The following AP1G2 variants were observed in gnomAD, a reference collection of about 807,000 sequenced individuals.
AP1G2 encodes AP-1 complex subunit gamma-like 2.
A neutral mutation model predicts 95.8 loss-of-function variants in AP1G2; 85 were observed. The observed-to-expected ratio is 0.89, with a 90% confidence interval of 0.74 to 1.06. The LOEUF (loss-of-function observed/expected upper bound fraction) is 1.06. Among genes scored for constraint, AP1G2 ranks in the 50% least tolerant of loss-of-function variants. AP1G2 has a pLI of 0.00. For missense variants in AP1G2, 967 were observed against 1,005.8 expected, an observed-to-expected ratio of 0.96 and a Z score of 0.52; for synonymous variants, 378 against 400.0, an observed-to-expected ratio of 0.94 and a Z score of 0.66.
intron 19 of AP1G2, 174 bp from the exon 20 acceptor site, chr14:23,560,592 A>G (rs1883832624): frequency 1.6e-6 from 1 of 621,580 alleles, no homozygotes; most frequent in Non-Finnish European, 2.5e-6. Context: ...GAGAGAAACA[A>G]TAAAAAAAGG....
In AP1G2 at chr14:23,559,681, G is replaced by T; in HGVS notation, c.*68C>A. On this transcript the variant is annotated 3_prime_UTR_variant, in exon 22 of 22. Coordinates refer to ENST00000397120, the MANE Select transcript of AP1G2 (RefSeq NM_003917.5). ...CACCTGCTGGTAGCCCTCAGGTGTA[G>T]GTTCGAAGCTGCTGGGGCCCCCTGG... The T allele has an allele frequency of 3.5e-6, 5 of 1,448,238 alleles. No homozygotes were observed. Among genetic ancestry groups the T allele is most frequent in the Non-Finnish European group, 4.8e-6 (5 of 1,039,940 alleles). 89.7% of individuals were successfully genotyped at this position (1,448,238 alleles called of 1,614,324 possible). A position where few individuals can be genotyped will look rare whatever the true frequency, so the allele number is the denominator to read the frequency against.
chr14:23,562,571 G>A lies in AP1G2; in HGVS notation c.1433C>T (p.Ala478Val). 1 of 1,614,060 alleles carries A rather than the reference G, an allele frequency of 6.2e-7. No homozygotes were observed. Among genetic ancestry groups the A allele is most frequent in the Admixed American group, 1.7e-5 (1 of 60,018 alleles). Residue 478 changes from alanine to valine, a missense_variant, in exon 15 of 22, where the codon GCC (alanine) becomes GTC (valine). Ala to Val is a moderately conservative substitution (Grantham distance 64). Coordinates refer to ENST00000397120, the MANE Select transcript of AP1G2 (RefSeq NM_003917.5). ...ISQQPLVQVA[A>V]WCIGEYGDLL... ...GTCCCCATACTCCCCAATGCACCAG[G>A]CTGCCACCTGCACCAGTGGTTGCTA...
chr14:23,564,010 C>G (rs747796984), intron 11 of AP1G2, 36 bp downstream of exon 11: 5 of 1,612,374 alleles, frequency 3.1e-6, no homozygotes, highest in Non-Finnish European at 4.2e-6. Flanking sequence ...CTGGGAACCT[C>G]TGCCCTGCCC....
rs759104775 is a variant in AP1G2 at position 23,564,635 on chromosome 14, C to T, written c.848G>A (p.Arg283Gln). Residue 283 changes from arginine to glutamine, a missense_variant, in exon 9 of 22, where the codon CGA becomes CAA. Coordinates refer to ENST00000397120, the MANE Select transcript of AP1G2 (RefSeq NM_003917.5). ...AQVATNTDTS[R>Q]NAGNAVLFET... ...AAACAGGACCGCATTTCCGGCATTT[C>T]GGCTGGTGTCCGTGTTAGTGGCCAC... 19 of 1,613,770 alleles carry T rather than the reference C, an allele frequency of 1.2e-5. No individual in the cohort carries two copies. Among genetic ancestry groups the T allele is most frequent in the East Asian group, 4.5e-5 (2 of 44,880 alleles).
rs1453277395 is a variant in AP1G2, at chr14:23,567,580, C to T, written c.-6+159G>A. ...CGGGAGCCCCACCTATTTCTCTCTACCGTTTCCTCCCCCTACCTGGTACCC... is the reference window on the plus strand; with the variant it reads ...CGGGAGCCCCACCTATTTCTCTCTATCGTTTCCTCCCCCTACCTGGTACCC... On this transcript the variant is annotated intron_variant, in intron 1 of 21. Transcript: ENST00000397120. The surrounding 1 kb of genome is among the most constrained non-coding windows in gnomAD (Gnocchi z 5.3). The T allele has an allele frequency of 7.8e-7, 1 of 1,274,810 alleles. No individual in the cohort carries two copies. Among genetic ancestry groups the T allele is most frequent in the African/African-American group, 1.6e-5 (1 of 64,298 alleles). The allele number at this position is 1,274,810 out of a possible 1,614,324, so 79.0% of individuals were successfully genotyped here.
chr14:23,565,731 G>A (rs1026242876), intron 6 of AP1G2, 30 bp from the exon 7 acceptor site: 35 of 1,609,928 alleles, frequency 2.2e-5, no homozygotes, highest in African/African-American at 6.7e-5. Flanking sequence ...TTGGGCATTC[G>A]TTCTAATCCT....
At chr14:23,565,383 G>A (rs888781773) in intron 7 of AP1G2, 184 bp from the exon 8 acceptor site, 6 of 727,418 alleles carry the variant, frequency 8.2e-6, no homozygotes, top group Non-Finnish European at 1.3e-5. Context: ...GGGGAGTTTA[G>A]GACAGGCTTA....
At chr14:23,561,166 T>G (rs554385867) in intron 19 of AP1G2, 130 bp downstream of exon 19, 1 of 1,423,490 alleles carries the variant, frequency 7.0e-7, no homozygotes, top group East Asian at 2.4e-5. Context: ...TTTTACCTCC[T>G]GAGATGGCGA....
chr14:23,566,206 C>CCTGCATCT, intron 4 of AP1G2, 46 bp from the exon 5 acceptor site: 1 of 1,598,380 alleles, frequency 6.3e-7, no homozygotes, highest in South Asian at 1.1e-5. Context: ...GAGATGGACC[C>CCTGCATCT]CTGCATCTAC....
At chr14:23,560,573 C>G in intron 19 of AP1G2, 155 bp from the exon 20 acceptor site, 2 of 717,920 alleles carry the variant, frequency 2.8e-6, no homozygotes, top group Non-Finnish European at 4.2e-6. Flanking sequence ...AGCTTACTGT[C>G]TAATGGGGGA....
Position 23,567,008 on chromosome 14 carries a change from A to G in AP1G2, c.204+103T>C. The G allele has an allele frequency of 1.6e-6, 2 of 1,271,222 alleles. No homozygotes were observed. Among genetic ancestry groups the G allele is most frequent in the Admixed American group, 2.7e-5 (1 of 36,838 alleles). 78.7% of individuals were successfully genotyped at this position (1,271,222 alleles called of 1,614,324 possible). On this transcript the variant is annotated intron_variant, in intron 2 of 21. Transcript: ENST00000397120. The surrounding 1 kb of genome is among the most constrained non-coding windows in gnomAD (Gnocchi z 5.3). ...CAGTGCAGGCTGTGAAGACTCTGAA[A>G]TTGTAGAATTTAAAAAACCAGGGCA...
At position 23,561,451 on chromosome 14, in the gene AP1G2, G is replaced by T. The variant is rs1260206886; in HGVS notation, c.1858-20C>A. 6.2e-7 allele frequency: 1 copy of T among 1,613,708 alleles called. No individual in the cohort carries two copies. Among genetic ancestry groups the T allele is most frequent in the African/African-American group, 1.3e-5 (1 of 75,008 alleles). ...TGAGGCCTGGCAGAAGGGACAGAAG[G>T]GGCAGGGCTGGGTATGAAGCTCAGC... On this transcript the variant is annotated intron_variant, in intron 18 of 21. Coordinates refer to ENST00000397120, the MANE Select transcript of AP1G2 (RefSeq NM_003917.5).
chr14:23,563,146 G>A (rs761902485), intron 14 of AP1G2: 15 of 1,416,600 alleles, frequency 1.1e-5, no homozygotes, highest in Non-Finnish European at 1.2e-5. Context: ...GGCAGTCAGG[G>A]TACATGGAGC....
rs1054817557 is a variant in AP1G2, at chr14:23,559,796, G to C, written c.2311C>G (p.Gln771Glu). The change falls in exon 22 of 22, where the codon CAG (glutamine) becomes GAG (glutamate). Residue 771 changes from glutamine (Q) to glutamate (E), a missense_variant. By Grantham distance (29) the Gln-to-Glu change is conservative. Transcript: ENST00000397120. ...AAGTTGTTCACCTCAAAGATCTCCT[G>C]CACCGACTGGTGAAAGTGGTCGTAG... ...LTYDHFHQSV[Q>E]EIFEVNNLPV... 3 of 1,614,038 alleles carry C rather than the reference G, an allele frequency of 1.9e-6. No individual in the cohort carries two copies. In the African/African-American group the frequency reaches 4.0e-5, roughly 22 times the overall value.
rs1159994453 is a variant in AP1G2 at position 23,560,313 on chromosome 14, G to A, written c.2099C>T (p.Ala700Val). ...NPALLLITITATNFSEGDVTH... is the reference protein window; with the variant it reads ...NPALLLITITVTNFSEGDVTH... ...GACATCACCCTCTGAGAAGTTGGTG[G>A]CAGTGATGGTGATTAACAGCAAAGC... The change falls in exon 20 of 22, where the codon GCC (alanine) becomes GTC (valine). Residue 700 changes from alanine to valine, a missense_variant. Transcript: ENST00000397120. The A allele has an allele frequency of 2.5e-6, 4 of 1,614,066 alleles. No individual in the cohort carries two copies. Among genetic ancestry groups the A allele is most frequent in the Non-Finnish European group, 3.4e-6 (4 of 1,180,016 alleles).
In AP1G2 at chr14:23,561,633, G is replaced by A. The variant is rs1566624782; in HGVS notation, c.1736C>T (p.Ala579Val). 1 of 1,613,714 alleles carries A rather than the reference G, an allele frequency of 6.2e-7. No homozygotes were observed. Among genetic ancestry groups the A allele is most frequent in the Admixed American group, 1.7e-5 (1 of 60,002 alleles). The change falls in exon 18 of 22, where the codon GCT (alanine) becomes GTT (valine). Residue 579 changes from alanine to valine, a missense_variant and splice_region_variant. Ala to Val is a moderately conservative substitution (Grantham distance 64). Coordinates refer to ENST00000397120, the MANE Select transcript of AP1G2 (RefSeq NM_003917.5). ...TLFRKYDHMR[A>V]AILEKMPLVE... ...AAGAGGCATTTTTTCCAGGATGGCAGCCCTGAGAGGATGGAATGCAAGTGT... is the reference window on the plus strand; with the variant it reads ...AAGAGGCATTTTTTCCAGGATGGCAACCCTGAGAGGATGGAATGCAAGTGT...
At chr14:23,564,725 AG>A in intron 8 of AP1G2, 65 bp from the exon 9 acceptor site, 1 of 1,461,378 alleles carries the variant, frequency 6.8e-7, no homozygotes, top group Non-Finnish European at 9.5e-7. Context: ...TTTTTGATAC[AG>A]GGTCTCACTC....
At chr14:23,561,689 G>A in intron 17 of AP1G2, 54 bp from the exon 18 acceptor site, 1 of 1,599,958 alleles carries the variant, frequency 6.3e-7, no homozygotes, top group South Asian at 1.1e-5. Context: ...CCTTTCACAA[G>A]AGGCATCTAG....
At chr14:23,562,852 A>G (rs1014155874) in intron 14 of AP1G2, 34 of 536,290 alleles carry the variant, frequency 6.3e-5, no homozygotes. Flanking sequence ...CAGTGCAGAG[A>G]TGGTGGGGGG....
Sources: allele counts gnomAD v4.1 joint callset, GRCh38; gene constraint gnomAD v4.1.1; non-coding constraint Gnocchi (gnomAD v3.1); transcripts MANE v1.5; gene names NCBI Gene and HGNC (gene_info 2026-07-23, HGNC 2026-07-21).